The following NXPE1 variants were observed in gnomAD, a reference collection of about 807,000 sequenced individuals.
The protein encoded by NXPE1 is neurexophilin and PC-esterase domain family member 1.
A neutral mutation model predicts 33.3 loss-of-function variants in NXPE1; 31 were observed. That is an observed-to-expected ratio of 0.93 (90% CI 0.70 to 1.26). The LOEUF is 1.26. Ranked by LOEUF, NXPE1 falls within the 50% of genes most tolerant of loss-of-function variation. The pLI, the probability that NXPE1 is intolerant of heterozygous loss-of-function variation, is 0.00. For missense variants in NXPE1, 661 were observed against 655.6 expected, an observed-to-expected ratio of 1.01 and a Z score of -0.09; for synonymous variants, 229 against 231.4, an observed-to-expected ratio of 0.99 and a Z score of 0.09.
At chr11:114,532,323 A>G (rs1358381185) in intron 5 of NXPE1, among the ~76,000 whole-genome samples, 4 of 152,250 alleles carry the variant, frequency 2.6e-5, no homozygotes, top group Admixed American at 1.3e-4. Flanking sequence ...TAGAGATGCA[A>G]ATAAATGAAA....
chr11:114,521,134 C>T (rs76015653), downstream of NXPE1, among the ~76,000 whole-genome samples: 1,615 of 152,104 alleles, frequency 0.011, 32 homozygotes, highest in African/African-American at 0.036. Flanking sequence ...AAGAAATTTC[C>T]TTTATCTATT....
intron 5 of NXPE1, 40 bp downstream of exon 5, chr11:114,551,063 G>T (rs535704825): frequency 6.3e-6 from 7 of 1,103,640 alleles, no homozygotes; most frequent in South Asian, 2.7e-5. Flanking sequence ...ACAGGTGAGG[G>T]CTTACTGTGT....
intron 1 of NXPE1, among the ~76,000 whole-genome samples, chr11:114,558,652 ATCC>A (rs1276543457): frequency 6.6e-6 from 1 of 152,200 alleles, no homozygotes; most frequent in African/African-American, 2.4e-5. Context: ...AAGCTAAACA[ATCC>A]TCCTGTTATG....
intron 5 of NXPE1, among the ~76,000 whole-genome samples, chr11:114,549,904 A>C (rs1948415166): frequency 1.3e-5 from 2 of 152,180 alleles, no homozygotes; most frequent in South Asian, 4.1e-4. Context: ...ATATAAAAAA[A>C]TAGCTTTTGT....
chr11:114,528,537 T>C (rs925519483), intron 6 of NXPE1, among the ~76,000 whole-genome samples: 3 of 152,224 alleles, frequency 2.0e-5, no homozygotes, highest in Non-Finnish European at 4.4e-5. Context: ...AGGAAGGTAA[T>C]GTGTGTGTCT....
At chr11:114,547,044 C>T (rs897610521) in intron 5 of NXPE1, among the ~76,000 whole-genome samples, 3 of 152,110 alleles carry the variant, frequency 2.0e-5, no homozygotes, top group Non-Finnish European at 2.9e-5. Context: ...TATGCAGATT[C>T]TCCCCACTCA....
At chr11:114,531,026 C>A in intron 5 of NXPE1, 118 bp from the exon 6 acceptor site, 7 of 1,072,704 alleles carry the variant, frequency 6.5e-6, no homozygotes, top group East Asian at 5.5e-5. Flanking sequence ...CAATTTGTTA[C>A]CAAATTGAAT....
At chr11:114,538,612 G>A (rs1328720195) in intron 5 of NXPE1, among the ~76,000 whole-genome samples, 1 of 152,186 alleles carries the variant, frequency 6.6e-6, no homozygotes, top group Non-Finnish European at 1.5e-5. Flanking sequence ...ATTAAAAAGT[G>A]GGCGAAGGAT....
intron 1 of NXPE1, chr11:114,554,248 T>C (rs1350351052): frequency 9.2e-6 from 9 of 976,386 alleles, no homozygotes; most frequent in Non-Finnish European, 1.1e-5. Context: ...CTGGCCTCTA[T>C]TGTATTTGAC....
At chr11:114,538,950 T>C (rs1223535923) in intron 5 of NXPE1, among the ~76,000 whole-genome samples, 2 of 152,130 alleles carry the variant, frequency 1.3e-5, no homozygotes, top group South Asian at 2.1e-4. Flanking sequence ...ACCCAAAGGA[T>C]TATAAATCAT....
chr11:114,556,069 G>A (rs1362513687), intron 1 of NXPE1, among the ~76,000 whole-genome samples: 1 of 152,118 alleles, frequency 6.6e-6, no homozygotes, highest in East Asian at 1.9e-4. Flanking sequence ...TTTAACTTTT[G>A]ACAAATCTAC....
At chr11:114,535,540 C>T (rs1218759614) in intron 5 of NXPE1, among the ~76,000 whole-genome samples, 2 of 152,138 alleles carry the variant, frequency 1.3e-5, no homozygotes, top group Non-Finnish European at 2.9e-5. Flanking sequence ...GGAAACCCAT[C>T]TCACATGCAG....
intron 1 of NXPE1, among the ~76,000 whole-genome samples, 182 bp downstream of exon 1, chr11:114,559,616 T>C (rs1168766418): frequency 2.6e-5 from 4 of 152,146 alleles, no homozygotes; most frequent in Non-Finnish European, 5.9e-5. Context: ...ATCAGTTTTT[T>C]TTTTTGTTTC....
chr11:114,534,099 C>T (rs10891694), intron 5 of NXPE1, among the ~76,000 whole-genome samples: 27,927 of 152,114 alleles, frequency 0.18, 3,116 homozygotes, highest in African/African-American at 0.3. Flanking sequence ...TCCAGAGGAA[C>T]GATCAGGCAG....
At chr11:114,537,275 A>G (rs11215041) in intron 5 of NXPE1, among the ~76,000 whole-genome samples, 34,575 of 152,098 alleles carry the variant, frequency 0.23, 5,551 homozygotes, top group African/African-American at 0.45. Context: ...TTGATGGGAC[A>G]TATCTCAAAA....
intron 5 of NXPE1, among the ~76,000 whole-genome samples, chr11:114,535,273 T>C (rs12286396): frequency 0.23 from 34,526 of 151,992 alleles, 5,521 homozygotes; most frequent in African/African-American, 0.45. Flanking sequence ...AAAGAGCTCC[T>C]GAAGGAAGCA....
Position 114,531,324 on chromosome 11 carries a change from A to G in NXPE1, c.100-416T>C, listed in dbSNP as rs187738026. 6.6e-5 allele frequency among the ~76,000 whole-genome samples: 10 copies of G among 152,262 alleles called. No homozygotes were observed. In the East Asian group the frequency reaches 1.9e-3, roughly 29 times the overall value. On this transcript the variant is annotated intron_variant, in intron 5 of 8. Transcript: ENST00000534921. ...TCATATATGCCTTACATCCAGTAAC[A>G]TCTGTACCTTTTAGTCATGCCTAGT...
At chr11:114,534,138 G>A (rs1462850729) in intron 5 of NXPE1, among the ~76,000 whole-genome samples, 1 of 152,200 alleles carries the variant, frequency 6.6e-6, no homozygotes, top group Non-Finnish European at 1.5e-5. Context: ...AATATCCGCT[G>A]TTCTGCAGCC....
At chr11:114,538,621 A>T (rs576407961) in intron 5 of NXPE1, among the ~76,000 whole-genome samples, 7 of 152,386 alleles carry the variant, frequency 4.6e-5, no homozygotes, top group Admixed American at 1.3e-4. Flanking sequence ...TGGGCGAAGG[A>T]TATGAACAGA....
Sources: allele counts gnomAD v4.1 joint callset (sites outside exome capture counted in the v4.1 genomes callset), GRCh38; gene constraint gnomAD v4.1.1; transcripts MANE v1.5; gene names NCBI Gene and HGNC (gene_info 2026-07-23, HGNC 2026-07-21).